EYA3: variants seen among roughly 807,000 people sequenced by gnomAD.
EYA3 encodes the protein EYA transcriptional coactivator and phosphatase 3.
In EYA3, 39 loss-of-function variants were observed where a neutral mutation model predicts 80.0. The observed-to-expected ratio is 0.49, with a 90% CI of 0.38 to 0.64. The LOEUF (loss-of-function observed/expected upper bound fraction) is 0.64. EYA3 is among the 30% of genes least tolerant of loss of function. The pLI, the probability that EYA3 is intolerant of heterozygous loss-of-function variation, is 0.00. For synonymous variants in EYA3, 206 were observed against 232.8 expected (o/e 0.88, Z 1.05); for missense variants, 523 against 676.1 (o/e 0.77, Z 2.51).
Position 28,013,331 on chromosome 1 carries a change from T to C in EYA3, c.586-37A>G, listed in dbSNP as rs545387731. On this transcript the variant is annotated intron_variant, in intron 8 of 17. Coordinates refer to ENST00000373871, the MANE Select transcript of EYA3 (RefSeq NM_001990.4). The surrounding 1 kb of genome is among the most constrained non-coding windows in gnomAD (Gnocchi z 4.0). ...AGGAAATAAGAAAACAAGACTCTTATAGCATACATTAATCTCAACACAAGA... is the reference window on the plus strand; with the variant it reads ...AGGAAATAAGAAAACAAGACTCTTACAGCATACATTAATCTCAACACAAGA... The C allele has an allele frequency of 6.7e-6, 10 of 1,495,122 alleles. No individual in the cohort carries two copies. Among genetic ancestry groups the C allele is most frequent in the East Asian group, 4.7e-5 (2 of 43,006 alleles). The allele number at this position is 1,495,122 out of a possible 1,614,324, so 92.6% of individuals were successfully genotyped here. A position where few individuals can be genotyped will look rare whatever the true frequency, so the allele number is the denominator to read the frequency against.
chr1:27,986,141 G>A (rs929339225), intron 16 of EYA3, among the ~76,000 whole-genome samples: 1 of 151,958 alleles, frequency 6.6e-6, no homozygotes, highest in African/African-American at 2.4e-5. Flanking sequence ...TGAGGCAGAT[G>A]GATCACCTGA....
intron 3 of EYA3, among the ~76,000 whole-genome samples, chr1:28,043,699 G>A (rs1234858529): frequency 2.6e-5 from 4 of 152,006 alleles, no homozygotes; most frequent in Admixed American, 6.6e-5. Flanking sequence ...TTAGCCAGGC[G>A]TTGTGGTGCA....
chr1:28,084,949 C>A (rs762793823), intron 1 of EYA3, among the ~76,000 whole-genome samples: 2 of 151,948 alleles, frequency 1.3e-5, no homozygotes, highest in Non-Finnish European at 2.9e-5. Flanking sequence ...CATACATGAG[C>A]TAAAGTATCC....
At position 28,073,103 on chromosome 1, in the gene EYA3, T is replaced by TTCTATATATATATA. The variant is rs1447435853; in HGVS notation, c.-68-15010_-68-15009insTATATATATATAGA. Among the ~76,000 whole-genome samples, 31 of 37,742 alleles carry TTCTATATATATATA rather than the reference T, an allele frequency of 8.2e-4. 4 individuals carry two copies. The highest frequency in any genetic ancestry group is 1.5e-3 in the East Asian group (1 of 686). 24.8% of individuals were successfully genotyped at this position (37,742 alleles called of 152,430 possible). On this transcript the variant is annotated intron_variant, in intron 1 of 17. Coordinates refer to ENST00000373871, the MANE Select transcript of EYA3 (RefSeq NM_001990.4). ...ATCCTTTTTGGGATTGATGAAACTA[T>TTCTATATATATATA]TATATATATATATATATATATATAT...
intron 10 of EYA3, among the ~76,000 whole-genome samples, chr1:28,008,122 C>T (rs1254663431): frequency 5.3e-5 from 8 of 151,606 alleles, no homozygotes; most frequent in Admixed American, 5.3e-4. Context: ...AGTTTTTTAC[C>T]TTCTTTTAGT....
At chr1:28,053,462 G>A (rs574692923) in intron 2 of EYA3, among the ~76,000 whole-genome samples, 1 of 152,094 alleles carries the variant, frequency 6.6e-6, no homozygotes, top group Non-Finnish European at 1.5e-5. Context: ...ATATAACACA[G>A]CAAGGAAACA....
intron 17 of EYA3, among the ~76,000 whole-genome samples, chr1:27,975,652 AT>A (rs1571688215): frequency 6.7e-6 from 1 of 148,458 alleles, no homozygotes; most frequent in Non-Finnish European, 1.5e-5. Flanking sequence ...CACCCGGCTA[AT>A]TTTTTACATT....
chr1:28,034,335 A>G (rs1213646074), intron 6 of EYA3, among the ~76,000 whole-genome samples: 4 of 152,184 alleles, frequency 2.6e-5, no homozygotes, highest in African/African-American at 7.2e-5. Flanking sequence ...GCCTATTATT[A>G]GTCAACTGTT....
intron 8 of EYA3, among the ~76,000 whole-genome samples, chr1:28,015,985 A>G (rs974189354): frequency 6.6e-5 from 10 of 152,240 alleles, no homozygotes; most frequent in African/African-American, 2.4e-4. Context: ...AAGACATTAA[A>G]GAAAAAAATG....
intron 1 of EYA3, among the ~76,000 whole-genome samples, chr1:28,083,909 A>G (rs1293459811): frequency 6.6e-6 from 1 of 152,228 alleles, no homozygotes; most frequent in Non-Finnish European, 1.5e-5. Context: ...GTAGGTGCCT[A>G]AACAATATTT....
At chr1:28,014,545 T>G (rs779437121) in intron 8 of EYA3, among the ~76,000 whole-genome samples, 2 of 150,304 alleles carry the variant, frequency 1.3e-5, no homozygotes, top group Non-Finnish European at 2.9e-5. Flanking sequence ...CTGACCAACA[T>G]GGCGAAACCC....
intron 1 of EYA3, among the ~76,000 whole-genome samples, chr1:28,078,178 C>T (rs932888743): frequency 3.9e-5 from 6 of 152,240 alleles, no homozygotes; most frequent in Non-Finnish European, 8.8e-5. Context: ...ACTAGCTCCA[C>T]TTAAGTTTTC....
intron 2 of EYA3, among the ~76,000 whole-genome samples, chr1:28,055,052 A>G (rs1484198228): frequency 5.3e-5 from 8 of 152,222 alleles, no homozygotes; most frequent in Admixed American, 2.0e-4. Context: ...GAGCTATTAT[A>G]TATTTTCTCT....
intron 1 of EYA3, among the ~76,000 whole-genome samples, chr1:28,074,270 C>T (rs1276411354): frequency 6.6e-6 from 1 of 152,118 alleles, no homozygotes; most frequent in Non-Finnish European, 1.5e-5. Flanking sequence ...CTATCTTAAA[C>T]ACTAGAGGTA....
chr1:27,993,660 A>G (rs1038155466), intron 13 of EYA3, 100 bp from the exon 14 acceptor site: 19 of 975,354 alleles, frequency 1.9e-5, no homozygotes, highest in Non-Finnish European at 2.7e-5. Flanking sequence ...AAATAAGGCC[A>G]ATGGCTTTAA....
chr1:28,062,497 T>A (rs1644666562), intron 1 of EYA3, among the ~76,000 whole-genome samples: 1 of 152,212 alleles, frequency 6.6e-6, no homozygotes, highest in East Asian at 1.9e-4. Context: ...AATATTTTAT[T>A]TCAAAATTCA....
Position 28,004,354 on chromosome 1 carries a change from A to G in EYA3, c.975T>C (p.Tyr325=). The part of the protein sequence containing the change: ...IIFHSLLTGS[Y]AQKYGKDPTV... ...AAATTACCTTTCCATATTTCTGGGC[A>G]TAGGATCCAGTAAGAAGTGAGTGGA... is the stretch of plus-strand genomic sequence containing the variant. Residue 325 remains tyrosine, a synonymous_variant, in exon 11 of 18, where the codon TAT becomes TAC. Transcript: ENST00000373871. The G allele has an allele frequency of 6.2e-7, 1 of 1,601,432 alleles. No homozygotes were observed. The highest frequency in any genetic ancestry group is 1.1e-5 in the South Asian group (1 of 90,102).
intron 1 of EYA3, among the ~76,000 whole-genome samples, chr1:28,062,653 T>C (rs190460874): frequency 0.015 from 2,143 of 141,550 alleles, 25 homozygotes; most frequent in Non-Finnish European, 0.023. Flanking sequence ...ATTAAATATA[T>C]GTAGGTGTGT....
chr1:28,005,550 C>CA (rs1289268815), intron 10 of EYA3, among the ~76,000 whole-genome samples: 1 of 151,798 alleles, frequency 6.6e-6, no homozygotes, highest in Non-Finnish European at 1.5e-5. Flanking sequence ...ACCGTCTCTA[C>CA]AAAAAAACAC....
Sources: gnomAD v4.1 joint callset for allele counts (sites outside exome capture counted in the v4.1 genomes callset) on GRCh38, gnomAD v4.1.1 for gene constraint, Gnocchi (gnomAD v3.1) non-coding constraint, MANE v1.5 for transcripts, NCBI Gene and HGNC (gene_info 2026-07-23, HGNC 2026-07-21) for gene names.